Variants in RALYL observed in about 807,000 individuals in gnomAD.
RALYL encodes the protein RALY RNA binding protein like, also known as RNA-binding Raly-like protein.
Under a neutral mutation model 35.1 loss-of-function variants are expected in RALYL, and 29 were observed. The observed-to-expected ratio is 0.83, with a 90% CI of 0.61 to 1.13. The LOEUF (loss-of-function observed/expected upper bound fraction) is 1.13, where lower values mean the gene tolerates loss of function less well. RALYL is among the 50% of genes most tolerant of loss of function. The pLI, the probability that RALYL is intolerant of heterozygous loss-of-function variation, is 0.00. For synonymous variants in RALYL, 120 were observed against 127.6 expected, an observed-to-expected ratio of 0.94 and a Z score of 0.40; for missense variants, 359 against 360.4, an observed-to-expected ratio of 1.00 and a Z score of 0.03.
intron 2 of RALYL, among the ~76,000 whole-genome samples, chr8:84,746,429 T>C (rs1808620600): frequency 6.6e-6 from 1 of 151,972 alleles, no homozygotes; most frequent in Non-Finnish European, 1.5e-5. Flanking sequence ...AAAATTTTGC[T>C]TGTGTAATTT....
At chr8:84,268,277 A>G (rs1833690226) in intron 1 of RALYL, among the ~76,000 whole-genome samples, 1 of 152,300 alleles carries the variant, frequency 6.6e-6, no homozygotes. Flanking sequence ...CAGTGACAAC[A>G]TTCCGTATAT....
intron 2 of RALYL, among the ~76,000 whole-genome samples, chr8:84,590,501 T>C (rs1198600988): frequency 1.3e-5 from 2 of 152,134 alleles, no homozygotes; most frequent in Non-Finnish European, 2.9e-5. Flanking sequence ...TAAGGAGATA[T>C]AAGGTGTGAA....
chr8:84,277,002 C>A (rs117873565), intron 1 of RALYL, among the ~76,000 whole-genome samples: 7 of 152,128 alleles, frequency 4.6e-5, no homozygotes, highest in Admixed American at 4.6e-4. Context: ...GAAGAAAGCA[C>A]GCAGCTGCCA....
At chr8:84,917,755 ATTCC>A (rs1408364584) in intron 8 of RALYL, among the ~76,000 whole-genome samples, 1 of 151,874 alleles carries the variant, frequency 6.6e-6, no homozygotes, top group East Asian at 1.9e-4. Flanking sequence ...TTTGGTTTTC[ATTCC>A]ATTACAGTTT....
intron 7 of RALYL, among the ~76,000 whole-genome samples, chr8:84,887,027 G>A (rs945283167): frequency 6.6e-6 from 1 of 152,140 alleles, no homozygotes; most frequent in African/African-American, 2.4e-5. Context: ...AACCATTGAA[G>A]TTAACCACAT....
intron 7 of RALYL, among the ~76,000 whole-genome samples, chr8:84,880,815 T>A (rs530362675): frequency 6.6e-6 from 1 of 152,110 alleles, no homozygotes; most frequent in South Asian, 2.1e-4. Context: ...TCTGGTTTGC[T>A]TCCTCCCGAA....
chr8:84,781,165 G>A, intron 3 of RALYL, among the ~76,000 whole-genome samples: 1 of 152,098 alleles, frequency 6.6e-6, no homozygotes, highest in Admixed American at 6.5e-5. Context: ...TTCCAGCTTT[G>A]AAAGGTTATT....
chr8:84,813,598 A>C (rs1002532068), intron 4 of RALYL, among the ~76,000 whole-genome samples: 1 of 152,178 alleles, frequency 6.6e-6, no homozygotes, highest in African/African-American at 2.4e-5. Context: ...GTTCAATAAA[A>C]ATGTGTGAAT....
chr8:84,760,335 C>T (rs1403731934), intron 2 of RALYL, among the ~76,000 whole-genome samples: 1 of 151,906 alleles, frequency 6.6e-6, no homozygotes, highest in Non-Finnish European at 1.5e-5. Flanking sequence ...CAAAAATGTA[C>T]TTGAAGTTGG....
At chr8:84,241,347 C>CT (rs1388059122) in intron 1 of RALYL, among the ~76,000 whole-genome samples, 1 of 152,092 alleles carries the variant, frequency 6.6e-6, no homozygotes, top group Non-Finnish European at 1.5e-5. Context: ...GTTGGAATAC[C>CT]TGATAATCCC....
chr8:84,517,837 C>A (rs2058176099), intron 1 of RALYL, among the ~76,000 whole-genome samples: 1 of 152,098 alleles, frequency 6.6e-6, no homozygotes, highest in African/African-American at 2.4e-5. Flanking sequence ...GTGCTTAGTA[C>A]CTTAGTGCAT....
chr8:84,385,214 C>A (rs1426343697), intron 1 of RALYL, among the ~76,000 whole-genome samples: 1 of 151,652 alleles, frequency 6.6e-6, no homozygotes, highest in African/African-American at 2.4e-5. Flanking sequence ...CTGTTACAAA[C>A]TAAACTACTT....
intron 4 of RALYL, among the ~76,000 whole-genome samples, chr8:84,831,689 A>T (rs149856758): frequency 1.8e-4 from 28 of 152,276 alleles, no homozygotes; most frequent in Admixed American, 1.6e-3. Flanking sequence ...GAGATTTTTT[A>T]AAAATTTTGA....
chr8:84,407,033 T>C lies in RALYL; in HGVS notation c.-23-122266T>C, dbSNP rs866571431. Among the ~76,000 whole-genome samples, 912 of 146,810 alleles carry C rather than the reference T, an allele frequency of 6.2e-3. 6 individuals are homozygous for C. The highest frequency in any genetic ancestry group is 0.023 in the African/African-American group (860 of 37,340). On this transcript the variant is annotated intron_variant, in intron 1 of 8. Transcript: ENST00000521268. ...CTCTCTCTCTCTATATATATATATA[T>C]ATACACACACACACTCACACACACA...
At chr8:84,654,378 C>A (rs1212309169) in intron 2 of RALYL, among the ~76,000 whole-genome samples, 1 of 144,396 alleles carries the variant, frequency 6.9e-6, no homozygotes, top group Non-Finnish European at 1.5e-5. Flanking sequence ...GTGTAATAAT[C>A]ACATCAGGGT....
chr8:84,570,223 G>A (rs1198928198), intron 2 of RALYL, among the ~76,000 whole-genome samples: 5 of 151,570 alleles, frequency 3.3e-5, no homozygotes, highest in Admixed American at 2.6e-4. Flanking sequence ...CATGAGCATG[G>A]GATTTTTTTA....
At chr8:84,576,566 T>G (rs1404084998) in intron 2 of RALYL, among the ~76,000 whole-genome samples, 1 of 152,142 alleles carries the variant, frequency 6.6e-6, no homozygotes, top group Non-Finnish European at 1.5e-5. Flanking sequence ...GCACACAGTC[T>G]CCAGAAGTAG....
intron 1 of RALYL, among the ~76,000 whole-genome samples, chr8:84,327,837 T>G (rs1352256804): frequency 6.6e-6 from 1 of 152,206 alleles, no homozygotes; most frequent in Non-Finnish European, 1.5e-5. Context: ...GTTTTGCTCT[T>G]TTTTAAATCT....
At chr8:84,728,813 T>C (rs1349738408) in intron 2 of RALYL, among the ~76,000 whole-genome samples, 8 of 152,306 alleles carry the variant, frequency 5.3e-5, no homozygotes, top group Middle Eastern at 3.4e-3. Flanking sequence ...CTGAGGGCTC[T>C]GTTCTGTTCC....
Sources: allele counts gnomAD v4.1 joint callset (sites outside exome capture counted in the v4.1 genomes callset), GRCh38; gene constraint gnomAD v4.1.1; transcripts MANE v1.5; gene names NCBI Gene and HGNC (gene_info 2026-07-23, HGNC 2026-07-21).